MYO16: variants seen among roughly 807,000 people sequenced by gnomAD.
MYO16 encodes the protein myosin XVI.
MYO16 carries 94 observed loss-of-function variants against 205.3 expected under a neutral mutation model. That is an observed-to-expected ratio of 0.46 (90% CI 0.39 to 0.54). The LOEUF (loss-of-function observed/expected upper bound fraction) is 0.54. Ranked by LOEUF, MYO16 falls within the 20% of genes least tolerant of loss-of-function variation. MYO16 has a pLI of 0.00. For missense variants in MYO16, 2,315 were observed against 2,387.5 expected (o/e 0.97, Z 0.63); for synonymous variants, 988 against 954.0 (o/e 1.04, Z -0.66).
intron 21 of MYO16, among the ~76,000 whole-genome samples, chr13:108,994,015 A>G (rs564613959): frequency 6.6e-6 from 1 of 152,326 alleles, no homozygotes; most frequent in South Asian, 2.1e-4. Flanking sequence ...ACACCCAGAC[A>G]TAATTGTCAA....
At chr13:108,771,185 A>G (rs1215322163) in intron 4 of MYO16, among the ~76,000 whole-genome samples, 1 of 152,198 alleles carries the variant, frequency 6.6e-6, no homozygotes, top group East Asian at 1.9e-4. Context: ...GTCTATATAG[A>G]TATATACACG....
chr13:108,886,531 C>G (rs1378294638), intron 13 of MYO16: 2 of 455,430 alleles, frequency 4.4e-6, no homozygotes, highest in Admixed American at 2.4e-5. Context: ...AGCAGGGTGC[C>G]TGGTGCCCCC....
intron 27 of MYO16, among the ~76,000 whole-genome samples, chr13:109,089,240 G>T (rs953871563): frequency 1.3e-5 from 2 of 148,430 alleles, no homozygotes; most frequent in Admixed American, 6.7e-5. Context: ...TTGAGATGGA[G>T]TCTCGCCCTG....
intron 1 of MYO16, among the ~76,000 whole-genome samples, chr13:108,601,610 T>G (rs1400282767): frequency 6.6e-6 from 1 of 152,106 alleles, no homozygotes; most frequent in Admixed American, 6.6e-5. Flanking sequence ...GAGGAGGCTG[T>G]GTCCAGAGAA....
At chr13:109,177,432 C>T (rs976737949) in intron 33 of MYO16, among the ~76,000 whole-genome samples, 9 of 152,122 alleles carry the variant, frequency 5.9e-5, no homozygotes, top group African/African-American at 1.7e-4. Flanking sequence ...CTATCGATTC[C>T]GCTCTGAGCT....
chr13:108,568,219 G>A, the MYO16 span, among the ~76,000 whole-genome samples: 1 of 152,050 alleles, frequency 6.6e-6, no homozygotes, highest in Non-Finnish European at 1.5e-5. Context: ...TTGCATCTAT[G>A]AGTGCAATTG....
intron 28 of MYO16, among the ~76,000 whole-genome samples, chr13:109,119,229 C>A (rs551916333): frequency 6.6e-6 from 1 of 152,274 alleles, no homozygotes; most frequent in East Asian, 1.9e-4. Context: ...GATGTGTACA[C>A]ACGTGCCAGC....
intron 22 of MYO16, 54 bp downstream of exon 22, chr13:109,009,103 T>C: frequency 7.2e-7 from 1 of 1,385,094 alleles, no homozygotes; most frequent in Non-Finnish European, 9.6e-7. Context: ...TTAAATATAC[T>C]GGAGACAAAG....
the MYO16 span, among the ~76,000 whole-genome samples, chr13:108,582,427 C>A: frequency 6.6e-6 from 1 of 152,174 alleles, no homozygotes; most frequent in Non-Finnish European, 1.5e-5. Context: ...AACCTGAGAT[C>A]TTTAAAGAGA....
At chr13:108,680,728 G>A (rs1882426940) in intron 2 of MYO16, among the ~76,000 whole-genome samples, 3 of 152,170 alleles carry the variant, frequency 2.0e-5, no homozygotes, top group African/African-American at 7.2e-5. Flanking sequence ...TTTCTTCATT[G>A]CATATCTCCT....
At position 108,911,611 on chromosome 13, in the gene MYO16, A is replaced by G. The variant is rs12430723; in HGVS notation, c.1925+1461A>G. Among the ~76,000 whole-genome samples the G allele has an allele frequency of 2.3e-3, 350 of 152,324 alleles. 5 individuals carry two copies. Among genetic ancestry groups the G allele is most frequent in the Admixed American group, 0.02 (310 of 15,302 alleles). ...ATGAAAAGAACAGCCATGGTCAGAA[A>G]TTTAGATTTCCTTCAGAGTTGTCTG... On this transcript the variant is annotated intron_variant, in intron 16 of 34. Coordinates refer to ENST00000457511, the MANE Select transcript of MYO16 (RefSeq NM_001198950.3).
chr13:109,040,614 C>T (rs907460573), intron 23 of MYO16, among the ~76,000 whole-genome samples: 1 of 151,976 alleles, frequency 6.6e-6, no homozygotes, highest in Admixed American at 6.6e-5. Context: ...GAAAAAAATA[C>T]ATGATTATAT....
chr13:108,528,128 G>C, the MYO16 span, among the ~76,000 whole-genome samples: 8 of 152,164 alleles, frequency 5.3e-5, no homozygotes, highest in Non-Finnish European at 1.2e-4. Flanking sequence ...AATAGTGACA[G>C]GCATCTACAG....
At chr13:108,935,440 C>T (rs1882434345) in intron 16 of MYO16, among the ~76,000 whole-genome samples, 1 of 152,118 alleles carries the variant, frequency 6.6e-6, no homozygotes, top group Non-Finnish European at 1.5e-5. Flanking sequence ...TATAGAAATG[C>T]TACAGATTTT....
chr13:108,929,208 T>C (rs1882143528), intron 16 of MYO16, among the ~76,000 whole-genome samples: 1 of 152,210 alleles, frequency 6.6e-6, no homozygotes, highest in African/African-American at 2.4e-5. Context: ...AAACATGAAC[T>C]TTTAAATCTT....
At chr13:108,671,304 ATG>A (rs1294743793) in intron 2 of MYO16, among the ~76,000 whole-genome samples, 1 of 152,180 alleles carries the variant, frequency 6.6e-6, no homozygotes, top group Non-Finnish European at 1.5e-5. Context: ...CACACACACA[ATG>A]TGTTTTGCAT....
Position 109,140,692 on chromosome 13 carries a change from C to A in MYO16, c.4480C>A (p.Pro1494Thr). 6.7e-7 allele frequency: 1 copy of A among 1,483,190 alleles called. No homozygotes were observed. Among genetic ancestry groups the A allele is most frequent in the Non-Finnish European group, 8.9e-7 (1 of 1,119,198 alleles). The allele number at this position is 1,483,190 out of a possible 1,614,324, so 91.9% of individuals were successfully genotyped here. ...GCCGGAGGACGAGGCGGCGGGGCCC[C>A]CAGGGGACGCGTGCGACATCCCGCC... ...RAPEDEAAGP[P>T]GDACDIPPPF... The change falls in exon 32 of 35, where the codon CCA (proline) becomes ACA (threonine). Residue 1494 changes from proline to threonine, a missense_variant. Transcript: ENST00000457511. This position sits in a 1 kb window ranked among gnomAD's most constrained non-coding sequence, Gnocchi z 8.0.
intron 1 of MYO16, among the ~76,000 whole-genome samples, chr13:108,623,904 A>T (rs1308309641): frequency 1.3e-5 from 2 of 152,292 alleles, no homozygotes; most frequent in East Asian, 3.9e-4. Context: ...GAAAAAAATG[A>T]ATATAAGCTT....
intron 4 of MYO16, among the ~76,000 whole-genome samples, chr13:108,759,171 A>C (rs932631523): frequency 5.3e-5 from 8 of 152,208 alleles, no homozygotes; most frequent in Non-Finnish European, 1.0e-4. Context: ...TGTTAAAAAA[A>C]AAAAGTAACA....
Sources: gnomAD v4.1 joint callset for allele counts (sites outside exome capture counted in the v4.1 genomes callset) on GRCh38, gnomAD v4.1.1 for gene constraint, Gnocchi (gnomAD v3.1) non-coding constraint, MANE v1.5 for transcripts, NCBI Gene and HGNC (gene_info 2026-07-23, HGNC 2026-07-21) for gene names.